The following ZNF827 variants were observed in gnomAD, a reference collection of about 807,000 sequenced individuals.
The protein encoded by ZNF827 is zinc finger protein 827.
Under a neutral mutation model 102.4 loss-of-function variants are expected in ZNF827, and 13 were observed. The observed-to-expected ratio is 0.13, with a 90% CI of 0.08 to 0.20. The LOEUF (loss-of-function observed/expected upper bound fraction) is 0.20. Among genes scored for constraint, ZNF827 ranks in the 10% least tolerant of loss-of-function variants. The pLI is 1.00. For synonymous variants in ZNF827, 523 were observed against 536.2 expected, an observed-to-expected ratio of 0.98 and a Z score of 0.34; for missense variants, 1,103 against 1,344.4, an observed-to-expected ratio of 0.82 and a Z score of 2.81.
At chr4:145,898,169 T>C (rs555884011) in intron 2 of ZNF827, among the ~76,000 whole-genome samples, 1 of 152,254 alleles carries the variant, frequency 6.6e-6, no homozygotes, top group Admixed American at 6.5e-5. Context: ...AAAAGATTTA[T>C]TATAATAACC....
rs1276498475 is a variant in ZNF827 at position 145,902,482 on chromosome 4, C to T, written c.777G>A (p.Lys259=). ...ASSTLAALSK[K]VSERSLTPGQ... is the part of the protein sequence containing the mutation. ...CAGGAGTCAAACTTCTTTCACTGAC[C>T]TTCTTGGACAAAGCGGCCAAGGTAG... The change falls in exon 2 of 15, where the codon AAG becomes AAA. Residue 259 remains lysine, a synonymous_variant. Transcript: ENST00000508784. This position sits in a 1 kb window ranked among gnomAD's most constrained non-coding sequence, Gnocchi z 4.3. The T allele has an allele frequency of 6.2e-7, 1 of 1,614,140 alleles. No individual in the cohort carries two copies. The highest frequency in any genetic ancestry group is 1.7e-5 in the Admixed American group (1 of 60,024).
At chr4:145,938,316 G>A in intron 1 of ZNF827, 49 bp downstream of exon 1, 2 of 1,609,918 alleles carry the variant, frequency 1.2e-6, no homozygotes, top group Non-Finnish European at 8.5e-7. Context: ...AAAGAGGAGA[G>A]GGAGGGCGAG....
chr4:145,927,939 G>C (rs139170333), intron 1 of ZNF827, among the ~76,000 whole-genome samples: 7 of 152,362 alleles, frequency 4.6e-5, no homozygotes, highest in Non-Finnish European at 8.8e-5. Flanking sequence ...AGATGGTTAA[G>C]TGACTTGCCC....
chr4:145,875,238 C>A (rs1429995316), intron 4 of ZNF827, among the ~76,000 whole-genome samples: 1 of 152,082 alleles, frequency 6.6e-6, no homozygotes, highest in Admixed American at 6.5e-5. Context: ...GGGATCAAAC[C>A]TTCCATCAAT....
intron 10 of ZNF827, 79 bp from the exon 11 acceptor site, chr4:145,774,751 A>C: frequency 6.9e-7 from 1 of 1,456,348 alleles, no homozygotes; most frequent in South Asian, 1.3e-5. Context: ...CCATTTATAC[A>C]CAGTACACTC....
intron 5 of ZNF827, 97 bp downstream of exon 5, chr4:145,870,148 G>A: frequency 1.8e-6 from 2 of 1,129,106 alleles, no homozygotes; most frequent in Non-Finnish European, 2.6e-6. Flanking sequence ...ATGCGATATT[G>A]CTGCCATTGG....
At chr4:145,839,738 C>T (rs1402111133) in intron 7 of ZNF827, among the ~76,000 whole-genome samples, 1 of 152,228 alleles carries the variant, frequency 6.6e-6, no homozygotes, top group Non-Finnish European at 1.5e-5. Flanking sequence ...GAGGGGAACA[C>T]AGTCTCTGGA....
intron 2 of ZNF827, among the ~76,000 whole-genome samples, chr4:145,897,003 G>A (rs1751027296): frequency 6.6e-6 from 1 of 152,212 alleles, no homozygotes; most frequent in South Asian, 2.1e-4. Flanking sequence ...CTGAGCTACA[G>A]TAGTAAATAT....
chr4:145,760,742 TTTGTCTCTC>T lies in ZNF827; in HGVS notation c.*865_*873del. ...GTGGTTTTTTTTTTTTTTTTTGTCT[TTTGTCTCTC>T]TGTTTTTGGTACAGAACATGGCTGC... On this transcript the variant is annotated 3_prime_UTR_variant, in exon 15 of 15. Transcript: ENST00000508784. 1 of 1,031,538 alleles carries T rather than the reference TTTGTCTCTC, an allele frequency of 9.7e-7. No homozygotes were observed. The highest frequency in any genetic ancestry group is 1.2e-6 in the Non-Finnish European group (1 of 853,214). The allele number at this position is 1,031,538 out of a possible 1,614,324, so 63.9% of individuals were successfully genotyped here. A position where few individuals can be genotyped will look rare whatever the true frequency, so the allele number is the denominator to read the frequency against.
chr4:145,846,945 G>A (rs1008022012), intron 6 of ZNF827, among the ~76,000 whole-genome samples: 2 of 146,036 alleles, frequency 1.4e-5, no homozygotes, highest in Admixed American at 1.4e-4. Context: ...CCTGAGGTCA[G>A]GAGTTCAAGA....
intron 8 of ZNF827, among the ~76,000 whole-genome samples, chr4:145,816,646 G>C (rs1344599335): frequency 6.6e-6 from 1 of 152,140 alleles, no homozygotes; most frequent in East Asian, 1.9e-4. Context: ...GGGACAGATG[G>C]GGCTAACAAG....
chr4:145,799,702 T>C (rs986953350), intron 8 of ZNF827, among the ~76,000 whole-genome samples: 17 of 152,186 alleles, frequency 1.1e-4, no homozygotes, highest in African/African-American at 4.1e-4. Flanking sequence ...CCTTACCAGC[T>C]AAGTACGGCC....
chr4:145,806,077 C>T (rs1348510174), intron 8 of ZNF827, among the ~76,000 whole-genome samples: 1 of 151,810 alleles, frequency 6.6e-6, no homozygotes, highest in African/African-American at 2.4e-5. Context: ...GTTTTATTCA[C>T]TGCTGTTCCC....
intron 3 of ZNF827, among the ~76,000 whole-genome samples, chr4:145,889,909 G>A (rs1220707457): frequency 1.3e-5 from 2 of 151,590 alleles, no homozygotes; most frequent in Non-Finnish European, 2.9e-5. Flanking sequence ...GCCCGGAGGC[G>A]GAGGCTGCAG....
intron 5 of ZNF827, among the ~76,000 whole-genome samples, chr4:145,859,656 C>A (rs1432346143): frequency 2.0e-5 from 3 of 152,152 alleles, no homozygotes; most frequent in Admixed American, 6.5e-5. Flanking sequence ...GTAGTGTAAG[C>A]GACTCATTTT....
rs908532781 is a variant in ZNF827, at chr4:145,838,332, C to A, written c.2279+7624G>T. On this transcript the variant is annotated intron_variant, in intron 7 of 14. Transcript: ENST00000508784. ...CACTCCTGCCCGCCAGAGAACAAAA[C>A]CCCTTTGACTGTAATTTTCTTTTAC... is the stretch of plus-strand genomic sequence containing the variant. Among the ~76,000 whole-genome samples the A allele has an allele frequency of 2.0e-5, 3 of 152,128 alleles. No homozygotes were observed. The South Asian group carries it at 6.2e-4, about 32-fold the overall frequency.
intron 11 of ZNF827, among the ~76,000 whole-genome samples, chr4:145,767,488 A>C (rs568268684): frequency 1.4e-3 from 206 of 152,298 alleles, no homozygotes; most frequent in African/African-American, 4.9e-3. Context: ...TTTGAGGAAA[A>C]TCATAAACCC....
chr4:145,891,365 C>A (rs1436776186), intron 3 of ZNF827, among the ~76,000 whole-genome samples: 1 of 152,200 alleles, frequency 6.6e-6, no homozygotes, highest in East Asian at 1.9e-4. Flanking sequence ...AATAAGATTT[C>A]AATTCAGGTC....
At position 145,870,444 on chromosome 4, in the gene ZNF827, A is replaced by C. The variant is rs749532003; in HGVS notation, c.1782T>G (p.Phe594Leu). Reference protein sequence around the residue: ...ANQKEPMNLNFKVKEEPKEGE... With the variant: ...ANQKEPMNLNLKVKEEPKEGE... ...CTTCCTTAGGCTCCTCTTTCACTTT[A>C]AAATTAAGATTCATGGGCTCCTTCT... The change falls in exon 5 of 15, where the codon TTT becomes TTG. Residue 594 changes from phenylalanine to leucine, a missense_variant. By Grantham distance (22) the Phe-to-Leu change is conservative. This residue lies in a region of ZNF827 where 243 missense variants were observed against 251.6 expected (regional missense o/e 0.97). Transcript: ENST00000508784. 32 of 1,614,020 alleles carry C rather than the reference A, an allele frequency of 2.0e-5. No individual in the cohort carries two copies. Among genetic ancestry groups the C allele is most frequent in the Non-Finnish European group, 2.7e-5 (32 of 1,180,016 alleles).
Sources: allele counts gnomAD v4.1 joint callset (sites outside exome capture counted in the v4.1 genomes callset), GRCh38; gene constraint gnomAD v4.1.1; regional missense constraint gnomAD v4.1.1; non-coding constraint Gnocchi (gnomAD v3.1); transcripts MANE v1.5; gene names NCBI Gene and HGNC (gene_info 2026-07-23, HGNC 2026-07-21).